The following TMEM232 variants were observed in gnomAD, a reference collection of about 807,000 sequenced individuals.
TMEM232 encodes transmembrane protein 232.
A neutral mutation model predicts 78.8 loss-of-function variants in TMEM232; 80 were observed. The ratio of observed to expected loss-of-function variants is 1.01; its 90% CI spans 0.85 to 1.22. The LOEUF is 1.22. Ranked by LOEUF, TMEM232 falls within the 50% of genes most tolerant of loss-of-function variation. The pLI is 0.00. For synonymous variants in TMEM232, 297 were observed against 254.3 expected (o/e 1.17, Z -1.60); for missense variants, 881 against 742.2 (o/e 1.19, Z -2.17).
At chr5:110,677,541 T>C (rs551521967) in intron 1 of TMEM232, among the ~76,000 whole-genome samples, 15 of 152,324 alleles carry the variant, frequency 9.8e-5, no homozygotes, top group Non-Finnish European at 1.9e-4. Context: ...AATCTTTATA[T>C]TGCAGTCTGT....
chr5:110,449,187 TTA>T (rs1288565142), intron 12 of TMEM232, among the ~76,000 whole-genome samples: 3 of 152,046 alleles, frequency 2.0e-5, no homozygotes, highest in Non-Finnish European at 2.9e-5. Flanking sequence ...GAGGGTAATT[TTA>T]TATTGAAAAA....
In TMEM232 at chr5:110,420,678, C is replaced by T. The variant is rs1756535296; in HGVS notation, c.1876G>A (p.Glu626Lys). ...ATAACTTCTTGAAAGTGATTTTTCTCTGCTAACTTTTTATCTTTAAGTTCT... is the reference window on the plus strand; with the variant it reads ...ATAACTTCTTGAAAGTGATTTTTCTTTGCTAACTTTTTATCTTTAAGTTCT... The part of the protein sequence containing the change: ...AQELKDKKLA[E>K]KNHFQEVMKK... Residue 626 changes from glutamate to lysine, a missense_variant, in exon 14 of 14, where the codon GAG becomes AAG. Glu to Lys is a moderately conservative substitution (Grantham distance 56, BLOSUM62 1). Coordinates refer to ENST00000455884, the MANE Select transcript of TMEM232 (RefSeq NM_001039763.4). The T allele has an allele frequency of 1.3e-6, 2 of 1,526,910 alleles. No homozygotes were observed. Among genetic ancestry groups the T allele is most frequent in the Non-Finnish European group, 1.7e-6 (2 of 1,143,996 alleles). 94.6% of individuals were successfully genotyped at this position (1,526,910 alleles called of 1,614,324 possible). A position where few individuals can be genotyped will look rare whatever the true frequency, so the allele number is the denominator to read the frequency against.
At chr5:110,455,375 A>G (rs888750370) in intron 12 of TMEM232, among the ~76,000 whole-genome samples, 10 of 151,532 alleles carry the variant, frequency 6.6e-5, no homozygotes, top group African/African-American at 2.4e-4. Flanking sequence ...GAAAGTAGAT[A>G]TAAACTTTTT....
At chr5:110,634,980 A>T (rs1785606355) in intron 5 of TMEM232, among the ~76,000 whole-genome samples, 1 of 152,020 alleles carries the variant, frequency 6.6e-6, no homozygotes, top group African/African-American at 2.4e-5. Context: ...GGCCACTCAA[A>T]CATAATCAAA....
intron 12 of TMEM232, among the ~76,000 whole-genome samples, chr5:110,464,144 T>C (rs1761829542): frequency 6.6e-6 from 1 of 152,222 alleles, no homozygotes; most frequent in African/African-American, 2.4e-5. Flanking sequence ...ACACATTTGT[T>C]GTCCCCATTC....
chr5:110,507,813 A>G (rs1250160977), intron 12 of TMEM232, among the ~76,000 whole-genome samples: 2 of 152,206 alleles, frequency 1.3e-5, no homozygotes, highest in African/African-American at 4.8e-5. Flanking sequence ...ATTTTTTTTA[A>G]ATGCACAGCC....
chr5:110,456,690 A>G (rs886365184), intron 12 of TMEM232, among the ~76,000 whole-genome samples: 1 of 152,152 alleles, frequency 6.6e-6, no homozygotes, highest in African/African-American at 2.4e-5. Flanking sequence ...GATCAATGGA[A>G]CAGAAAAAGA....
intron 11 of TMEM232, among the ~76,000 whole-genome samples, chr5:110,531,066 A>C (rs1242864367): frequency 6.6e-6 from 1 of 152,140 alleles, no homozygotes; most frequent in Non-Finnish European, 1.5e-5. Flanking sequence ...TCCTGCCTTA[A>C]CTGATGACAT....
At position 110,420,452 on chromosome 5, in the gene TMEM232, C is replaced by G; in HGVS notation, c.*128G>C. 1.7e-6 allele frequency: 1 copy of G among 599,570 alleles called. No homozygotes were observed. Among genetic ancestry groups the G allele is most frequent in the Non-Finnish European group, 2.6e-6 (1 of 386,196 alleles). 37.1% of individuals were successfully genotyped at this position (599,570 alleles called of 1,614,324 possible). On this transcript the variant is annotated 3_prime_UTR_variant, in exon 14 of 14. Coordinates refer to ENST00000455884, the MANE Select transcript of TMEM232 (RefSeq NM_001039763.4). The stretch of plus-strand genomic sequence containing the variant: ...ACAGCTTGTATCAGGAAAACAAATT[C>G]TTTCTAAACAATACCTCCATTTAAT...
intron 12 of TMEM232, among the ~76,000 whole-genome samples, chr5:110,461,206 C>T (rs1233691223): frequency 6.6e-6 from 1 of 151,554 alleles, no homozygotes. Context: ...AAAAAAGAAT[C>T]GTTATTAAAG....
At chr5:110,390,695 T>C (rs1755142139) in intron 3 of TMEM232, 1 of 152,212 alleles carries the variant, frequency 6.6e-6, no homozygotes, top group African/African-American at 2.4e-5. Flanking sequence ...GAACCTGCTT[T>C]TGTATAACAT....
chr5:110,654,313 A>C (rs563567259), intron 2 of TMEM232, among the ~76,000 whole-genome samples: 1 of 152,282 alleles, frequency 6.6e-6, no homozygotes, highest in Admixed American at 6.5e-5. Flanking sequence ...ATCCATCTTG[A>C]ATTAATTTTT....
intron 1 of TMEM232, among the ~76,000 whole-genome samples, chr5:110,715,885 A>T (rs559114198): frequency 6.6e-6 from 1 of 152,190 alleles, no homozygotes; most frequent in African/African-American, 2.4e-5. Context: ...ATTCATCTAC[A>T]TGATAAAACT....
intron 11 of TMEM232, among the ~76,000 whole-genome samples, chr5:110,531,373 G>C (rs552721659): frequency 2.0e-4 from 31 of 152,332 alleles, no homozygotes; most frequent in Non-Finnish European, 3.7e-4. Flanking sequence ...TCCCTTGGGA[G>C]ATCAATCCCC....
chr5:110,569,022 C>T (rs1776638056), intron 10 of TMEM232, among the ~76,000 whole-genome samples: 1 of 151,708 alleles, frequency 6.6e-6, no homozygotes, highest in African/African-American at 2.4e-5. Context: ...AAAATACTTC[C>T]TGTTATTAAA....
rs185721099 is a variant in TMEM232, at chr5:110,569,594, T to G, written c.1277-969A>C. 8.6e-5 allele frequency among the ~76,000 whole-genome samples: 13 copies of G among 151,988 alleles called. No individual in the cohort carries two copies. In the East Asian group the frequency reaches 2.5e-3, roughly 30 times the overall value. On this transcript the variant is annotated intron_variant, in intron 10 of 13. Coordinates refer to ENST00000455884, the MANE Select transcript of TMEM232 (RefSeq NM_001039763.4). ...CATATTGCACTTTTCTCCAAAACCCTGGTGACAGTCCATTGATGATTATTG... is the reference window on the plus strand; with the variant it reads ...CATATTGCACTTTTCTCCAAAACCCGGGTGACAGTCCATTGATGATTATTG...
At chr5:110,477,777 C>T (rs894994994) in intron 12 of TMEM232, among the ~76,000 whole-genome samples, 1 of 151,836 alleles carries the variant, frequency 6.6e-6, no homozygotes, top group Non-Finnish European at 1.5e-5. Context: ...ATTACATCTA[C>T]ATGCTCATTT....
At chr5:110,587,168 ATGTG>A (rs1554117327) in intron 10 of TMEM232, among the ~76,000 whole-genome samples, 2 of 152,046 alleles carry the variant, frequency 1.3e-5, no homozygotes, top group Admixed American at 1.3e-4. Flanking sequence ...TTATATATGT[ATGTG>A]TGTGTGTATC....
At chr5:110,534,792 C>T (rs1364588076) in intron 11 of TMEM232, among the ~76,000 whole-genome samples, 1 of 152,196 alleles carries the variant, frequency 6.6e-6, no homozygotes, top group African/African-American at 2.4e-5. Context: ...ATCAGATGTC[C>T]TAGGTCATCC....
Sources: allele counts gnomAD v4.1 joint callset (sites outside exome capture counted in the v4.1 genomes callset), GRCh38; gene constraint gnomAD v4.1.1; transcripts MANE v1.5; gene names NCBI Gene and HGNC (gene_info 2026-07-23, HGNC 2026-07-21).